The following KYNU variants were observed in gnomAD, a reference collection of about 807,000 sequenced individuals.
The protein encoded by KYNU is kynureninase, also known as L-kynurenine hydrolase.
KYNU carries 54 observed loss-of-function variants against 59.2 expected under a neutral mutation model. The ratio of observed to expected loss-of-function variants is 0.91; its 90% confidence interval spans 0.73 to 1.14. KYNU has a LOEUF of 1.14. KYNU is among the 50% of genes most tolerant of loss of function. The pLI is 0.00. For missense variants in KYNU, 567 were observed against 554.4 expected, an observed-to-expected ratio of 1.02 and a Z score of -0.23; for synonymous variants, 177 against 192.0, an observed-to-expected ratio of 0.92 and a Z score of 0.65.
intron 4 of KYNU, among the ~76,000 whole-genome samples, chr2:142,928,704 T>C (rs180990722): frequency 6.6e-6 from 1 of 152,106 alleles, no homozygotes; most frequent in East Asian, 1.9e-4. Flanking sequence ...GTGGGAGCTC[T>C]GAGGACATAA....
intron 8 of KYNU, among the ~76,000 whole-genome samples, chr2:142,972,791 C>CATAT (rs72267912): frequency 0.04 from 5,388 of 135,250 alleles, 124 homozygotes; most frequent in South Asian, 0.055. Flanking sequence ...AGACAGAGGC[C>CATAT]ATATATATAT....
chr2:143,017,279 T>A (rs1686278367), intron 10 of KYNU, among the ~76,000 whole-genome samples: 1 of 152,170 alleles, frequency 6.6e-6, no homozygotes, highest in South Asian at 2.1e-4. Context: ...ATGAGATTGC[T>A]GGGTTGAATG....
At chr2:142,970,947 C>T (rs1330573514) in intron 8 of KYNU, among the ~76,000 whole-genome samples, 1 of 152,132 alleles carries the variant, frequency 6.6e-6, no homozygotes, top group Non-Finnish European at 1.5e-5. Context: ...TGAAGATTCT[C>T]CTTTCCTCTA....
At chr2:142,901,052 C>CAAAAA (rs34574070) in intron 2 of KYNU, among the ~76,000 whole-genome samples, 1 of 116,514 alleles carries the variant, frequency 8.6e-6, no homozygotes, top group African/African-American at 3.1e-5. Flanking sequence ...GACTCCATCT[C>CAAAAA]AAAAAAAAAA....
chr2:143,030,618 G>T (rs1686710397), intron 11 of KYNU, among the ~76,000 whole-genome samples: 1 of 152,060 alleles, frequency 6.6e-6, no homozygotes, highest in Non-Finnish European at 1.5e-5. Flanking sequence ...GGGACTAGAG[G>T]TGTGCACCAC....
At chr2:142,977,625 C>G (rs1024204630) in intron 8 of KYNU, among the ~76,000 whole-genome samples, 5 of 151,858 alleles carry the variant, frequency 3.3e-5, no homozygotes, top group Non-Finnish European at 5.9e-5. Flanking sequence ...TGAGGAGTTG[C>G]TATTCTCATT....
At chr2:142,966,551 C>A (rs1414112374) in intron 8 of KYNU, among the ~76,000 whole-genome samples, 1 of 152,110 alleles carries the variant, frequency 6.6e-6, no homozygotes, top group Admixed American at 6.6e-5. Context: ...TTGTGTGTTC[C>A]TGATGGAATA....
chr2:142,957,601 C>G lies in KYNU; in HGVS notation c.508-40C>G, dbSNP rs1255925581. On this transcript the variant is annotated intron_variant, in intron 6 of 13. Transcript: ENST00000264170. ...TGTTATTTCAATGTACTTCTGTGCT[C>G]TCAGCTTGATTTGATAAATACATCA... is the stretch of plus-strand genomic sequence containing the variant. 6 of 1,218,786 alleles carry G rather than the reference C, an allele frequency of 4.9e-6. No homozygotes were observed. In the African/African-American group the frequency reaches 7.5e-5, roughly 15 times the overall value. 75.5% of individuals were successfully genotyped at this position (1,218,786 alleles called of 1,614,324 possible).
intron 10 of KYNU, among the ~76,000 whole-genome samples, chr2:143,029,374 T>C (rs1014928674): frequency 6.6e-6 from 1 of 152,132 alleles, no homozygotes; most frequent in African/African-American, 2.4e-5. Flanking sequence ...TCACTTGAGC[T>C]CAGGAACTCA....
chr2:143,011,060 A>G lies in KYNU; in HGVS notation c.903-18567A>G, dbSNP rs1172009226. ...TGGCAACCAAAGCCAAAATTGACAA[A>G]TGGGATCTAATTAAACTAAAGAGCT... On this transcript the variant is annotated intron_variant, in intron 10 of 13. Coordinates refer to ENST00000264170, the MANE Select transcript of KYNU (RefSeq NM_003937.3). Among the ~76,000 whole-genome samples, 9 of 145,986 alleles carry G rather than the reference A, an allele frequency of 6.2e-5. 2 individuals carry two copies. Among genetic ancestry groups the G allele is most frequent in the Non-Finnish European group, 1.2e-4 (8 of 66,810 alleles).
At chr2:142,908,550 G>A (rs1190697955) in intron 2 of KYNU, among the ~76,000 whole-genome samples, 1 of 151,868 alleles carries the variant, frequency 6.6e-6, no homozygotes, top group Non-Finnish European at 1.5e-5. Flanking sequence ...AAAATTTAGA[G>A]TTTTTGACTC....
chr2:142,891,426 C>T (rs1681709882), intron 2 of KYNU, among the ~76,000 whole-genome samples: 1 of 152,100 alleles, frequency 6.6e-6, no homozygotes, highest in Non-Finnish European at 1.5e-5. Flanking sequence ...TTTTCATAGT[C>T]AAATAACCCT....
At chr2:142,881,878 T>A (rs1484263628) in intron 1 of KYNU, among the ~76,000 whole-genome samples, 1 of 151,588 alleles carries the variant, frequency 6.6e-6, no homozygotes, top group Admixed American at 6.6e-5. Flanking sequence ...CACAGGTGCA[T>A]GCCAGTGCCA....
intron 4 of KYNU, among the ~76,000 whole-genome samples, chr2:142,932,619 T>C (rs930605237): frequency 2.0e-5 from 3 of 152,068 alleles, no homozygotes; most frequent in Non-Finnish European, 2.9e-5. Flanking sequence ...CTGTACTATA[T>C]GGAACGTATA....
intron 1 of KYNU, among the ~76,000 whole-genome samples, chr2:142,879,226 A>G (rs901478808): frequency 6.6e-6 from 1 of 152,184 alleles, no homozygotes; most frequent in Non-Finnish European, 1.5e-5. Context: ...TGAGTGCACT[A>G]TGCTATTCTG....
At chr2:142,918,800 A>G (rs1168964044) in intron 3 of KYNU, 71 bp downstream of exon 3, 1 of 1,501,724 alleles carries the variant, frequency 6.7e-7, no homozygotes, top group Non-Finnish European at 9.2e-7. Context: ...TAGGTTGTCT[A>G]ATATTTGGAA....
chr2:142,930,727 C>T (rs1465891851), intron 4 of KYNU, among the ~76,000 whole-genome samples: 3 of 152,274 alleles, frequency 2.0e-5, no homozygotes, highest in Non-Finnish European at 4.4e-5. Context: ...TGCACTTAAC[C>T]TTAATTACTA....
chr2:143,033,323 T>C lies in KYNU; in HGVS notation c.1041+2T>C, dbSNP rs1240522112. 2 of 1,607,954 alleles carry C rather than the reference T, an allele frequency of 1.2e-6. No homozygotes were observed. Among genetic ancestry groups the C allele is most frequent in the African/African-American group, 2.7e-5 (2 of 74,820 alleles). On this transcript the variant is annotated splice_donor_variant, in intron 12 of 13. Coordinates refer to ENST00000264170, the MANE Select transcript of KYNU (RefSeq NM_003937.3). LOFTEE classifies it high-confidence loss of function. ...TGTTCCTTGCATGCTAGTTTAGAGG[T>C]AAGTGATGTGTGTTTCAACCTTCCC... is the stretch of plus-strand genomic sequence containing the variant.
intron 4 of KYNU, among the ~76,000 whole-genome samples, chr2:142,950,622 C>T (rs1683958407): frequency 1.3e-5 from 2 of 152,202 alleles, no homozygotes; most frequent in South Asian, 2.1e-4. Context: ...CCAGGTCCCT[C>T]CCACAATACA....
Sources: gnomAD v4.1 joint callset for allele counts (sites outside exome capture counted in the v4.1 genomes callset) on GRCh38, gnomAD v4.1.1 for gene constraint, MANE v1.5 for transcripts, NCBI Gene and HGNC (gene_info 2026-07-23, HGNC 2026-07-21) for gene names.